SPRED1: variants seen among roughly 807,000 people sequenced by gnomAD.
SPRED1 encodes the protein sprouty related EVH1 domain containing 1, also known as sprouty-related, EVH1 domain-containing protein 1.
SPRED1 carries 18 observed loss-of-function variants against 52.3 expected under a neutral mutation model. The ratio of observed to expected loss-of-function variants is 0.34; its 90% CI spans 0.24 to 0.51. SPRED1 has a LOEUF of 0.51. Ranked by LOEUF, SPRED1 falls within the 20% of genes least tolerant of loss-of-function variation. SPRED1 has a pLI of 0.97. For missense variants in SPRED1, 485 were observed against 551.0 expected, an observed-to-expected ratio of 0.88 and a Z score of 1.20; for synonymous variants, 155 against 179.7, an observed-to-expected ratio of 0.86 and a Z score of 1.10.
intron 6 of SPRED1, among the ~76,000 whole-genome samples, chr15:38,350,571 C>T (rs75207739): frequency 0.023 from 3,490 of 152,214 alleles, 71 homozygotes; most frequent in Middle Eastern, 0.078. Context: ...TCCTAACAGC[C>T]CCAAAGACAT....
intron 2 of SPRED1, among the ~76,000 whole-genome samples, chr15:38,307,836 A>G (rs1260494635): frequency 6.6e-6 from 1 of 152,106 alleles, no homozygotes; most frequent in African/African-American, 2.4e-5. Context: ...AACTCCAGAC[A>G]GTTTATGTTT....
At chr15:38,284,045 C>T (rs1257176797) in intron 1 of SPRED1, among the ~76,000 whole-genome samples, 2 of 152,040 alleles carry the variant, frequency 1.3e-5, no homozygotes, top group South Asian at 2.1e-4. Flanking sequence ...TAAGAGATAG[C>T]CATTATGACA....
intron 1 of SPRED1, among the ~76,000 whole-genome samples, chr15:38,289,925 A>G (rs912601777): frequency 8.5e-5 from 13 of 152,236 alleles, no homozygotes; most frequent in Non-Finnish European, 1.8e-4. Context: ...TAGGACAGCA[A>G]TAAAAAGCTA....
At chr15:38,319,856 G>A (rs145957745) in intron 2 of SPRED1, among the ~76,000 whole-genome samples, 1 of 152,234 alleles carries the variant, frequency 6.6e-6, no homozygotes, top group African/African-American at 2.4e-5. Context: ...GCTGATAAAA[G>A]GTTTAACAAT....
At chr15:38,335,091 C>A (rs1895885571) in intron 4 of SPRED1, among the ~76,000 whole-genome samples, 1 of 151,916 alleles carries the variant, frequency 6.6e-6, no homozygotes, top group South Asian at 2.1e-4. Context: ...ACTTACATTC[C>A]ATTTCTTTTT....
At chr15:38,272,183 C>A (rs1894449159) in intron 1 of SPRED1, among the ~76,000 whole-genome samples, 1 of 151,812 alleles carries the variant, frequency 6.6e-6, no homozygotes. Flanking sequence ...GTCTTTGCTT[C>A]AGTGATCATG....
intron 1 of SPRED1, among the ~76,000 whole-genome samples, chr15:38,282,483 G>C (rs577004011): frequency 1.6e-4 from 25 of 151,848 alleles, no homozygotes; most frequent in South Asian, 8.3e-4. Flanking sequence ...CTCTGGCCTG[G>C]GCAACAGAGC....
intron 1 of SPRED1, among the ~76,000 whole-genome samples, chr15:38,260,787 A>G (rs1015426919): frequency 1.3e-5 from 2 of 152,206 alleles, no homozygotes; most frequent in African/African-American, 2.4e-5. Context: ...GCTGCCAAAA[A>G]CATCCATGAC....
chr15:38,296,741 C>T, intron 1 of SPRED1, among the ~76,000 whole-genome samples: 1 of 152,144 alleles, frequency 6.6e-6, no homozygotes, highest in East Asian at 1.9e-4. Flanking sequence ...TCAGTATTAC[C>T]TCTCACCTGG....
chr15:38,314,358 A>G (rs1644187134), intron 2 of SPRED1, among the ~76,000 whole-genome samples: 2 of 151,826 alleles, frequency 1.3e-5, no homozygotes, highest in South Asian at 2.1e-4. Flanking sequence ...TGTATGGATT[A>G]TATTTCTACT....
At chr15:38,260,559 AC>A (rs1203093818) in intron 1 of SPRED1, among the ~76,000 whole-genome samples, 3 of 152,184 alleles carry the variant, frequency 2.0e-5, no homozygotes, top group Non-Finnish European at 2.9e-5. Flanking sequence ...ATCTTGAAAT[AC>A]CATTTATAGT....
intron 2 of SPRED1, among the ~76,000 whole-genome samples, chr15:38,307,076 A>C (rs937606506): frequency 6.6e-6 from 1 of 152,192 alleles, no homozygotes; most frequent in Non-Finnish European, 1.5e-5. Context: ...CCTCTATCAT[A>C]GCTAAATTAA....
intron 1 of SPRED1, among the ~76,000 whole-genome samples, chr15:38,294,955 G>T (rs1183515618): frequency 3.3e-5 from 5 of 152,306 alleles, no homozygotes; most frequent in Admixed American, 6.5e-5. Context: ...AATCTTTGGT[G>T]TAAAGGGTAA....
intron 1 of SPRED1, among the ~76,000 whole-genome samples, chr15:38,271,547 C>G (rs1894435267): frequency 6.6e-6 from 1 of 152,180 alleles, no homozygotes; most frequent in African/African-American, 2.4e-5. Flanking sequence ...GAAGCTTACT[C>G]TGTTCCAGGT....
At chr15:38,297,461 A>G (rs1895063045) in intron 1 of SPRED1, among the ~76,000 whole-genome samples, 4 of 152,164 alleles carry the variant, frequency 2.6e-5, no homozygotes, top group African/African-American at 7.2e-5. Flanking sequence ...ATCTACATCA[A>G]CCCAACCTTC....
At chr15:38,272,094 G>A (rs750332224) in intron 1 of SPRED1, among the ~76,000 whole-genome samples, 6 of 152,036 alleles carry the variant, frequency 3.9e-5, no homozygotes, top group Non-Finnish European at 8.8e-5. Flanking sequence ...GTTCTTCTTT[G>A]TGGCTGCATA....
chr15:38,293,709 T>A (rs985986918), intron 1 of SPRED1, among the ~76,000 whole-genome samples: 1 of 152,186 alleles, frequency 6.6e-6, no homozygotes, highest in Non-Finnish European at 1.5e-5. Context: ...AGTACTAACC[T>A]TGAGCATAGT....
Position 38,252,941 on chromosome 15 carries a change from C to A in SPRED1, c.-245C>A. The A allele has an allele frequency of 1.7e-6, 1 of 589,210 alleles. No individual in the cohort carries two copies. The highest frequency in any genetic ancestry group is 3.0e-6 in the Non-Finnish European group (1 of 331,418). The allele number at this position is 589,210 out of a possible 1,614,324, so 36.5% of individuals were successfully genotyped here. ...CCTCCTCGGATCCCTTGGCTGGGCA[C>A]TGAGGCGGGGGAAGAGGCTGGGGTC... On this transcript the variant is annotated 5_prime_UTR_variant, in exon 1 of 7. In the 5' UTR this introduces an upstream ATG that the reference lacks. Transcript: ENST00000299084.
chr15:38,269,170 C>T (rs1894375998), intron 1 of SPRED1, among the ~76,000 whole-genome samples: 2 of 152,076 alleles, frequency 1.3e-5, no homozygotes, highest in African/African-American at 2.4e-5. Flanking sequence ...TCTGGATCTC[C>T]TAACCTTGTG....
Sources: gnomAD v4.1 joint callset for allele counts (sites outside exome capture counted in the v4.1 genomes callset) on GRCh38, gnomAD v4.1.1 for gene constraint, MANE v1.5 for transcripts, NCBI Gene and HGNC (gene_info 2026-07-23, HGNC 2026-07-21) for gene names.